Variants in AACS observed in about 807,000 individuals in gnomAD.
AACS encodes the protein acetoacetyl-CoA synthetase.
In AACS, 69 loss-of-function variants were observed where a neutral mutation model predicts 83.1. That is an observed-to-expected ratio of 0.83 (90% CI 0.68 to 1.01). The LOEUF is 1.01. AACS is among the 50% of genes least tolerant of loss of function. The pLI, the probability that AACS is intolerant of heterozygous loss-of-function variation, is 0.00. For synonymous variants in AACS, 333 were observed against 343.4 expected (o/e 0.97, Z 0.33); for missense variants, 866 against 882.2 (o/e 0.98, Z 0.23).
chr12:125,119,662 A>G (rs1006244388), intron 10 of AACS, among the ~76,000 whole-genome samples: 9 of 152,250 alleles, frequency 5.9e-5, no homozygotes, highest in African/African-American at 1.7e-4. Flanking sequence ...ACCTGCCTCC[A>G]TGATTCAATT....
Position 125,065,616 on chromosome 12 carries a change from A to G in AACS, c.32A>G (p.Glu11Gly), listed in dbSNP as rs372601240. The change falls in exon 1 of 18, where the codon GAG (glutamate) becomes GGG (glycine). Residue 11 changes from glutamate (E) to glycine (G), a missense_variant. Glu to Gly is a moderately conservative substitution (Grantham distance 98). Coordinates refer to ENST00000316519, the MANE Select transcript of AACS (RefSeq NM_023928.5). ...AAGGAGGAGCGCCCCGGTCGGGAGGAGATCCTGGAGTGCCAGGTGATGTGG... is the reference window on the plus strand; with the variant it reads ...AAGGAGGAGCGCCCCGGTCGGGAGGGGATCCTGGAGTGCCAGGTGATGTGG... MSKEERPGRE[E>G]ILECQVMWEP... 6.5e-7 allele frequency: 1 copy of G among 1,527,924 alleles called. No individual in the cohort carries two copies. The highest frequency in any genetic ancestry group is 8.8e-7 in the Non-Finnish European group (1 of 1,135,274). 94.6% of individuals were successfully genotyped at this position (1,527,924 alleles called of 1,614,324 possible). A position where few individuals can be genotyped will look rare whatever the true frequency, so the allele number is the denominator to read the frequency against.
intron 1 of AACS, 127 bp from the exon 2 acceptor site, chr12:125,073,749 C>A: frequency 1.4e-6 from 1 of 696,296 alleles, no homozygotes. Flanking sequence ...CTTCCTCCCC[C>A]AGACCATTTC....
intron 5 of AACS, among the ~76,000 whole-genome samples, 164 bp downstream of exon 5, chr12:125,091,687 C>T (rs990988223): frequency 1.4e-4 from 21 of 152,204 alleles, no homozygotes; most frequent in Non-Finnish European, 2.8e-4. Flanking sequence ...GAAGGACTTG[C>T]GTCTGGTTCT....
Position 125,136,726 on chromosome 12 carries a change from G to T in AACS, c.1743G>T (p.Glu581Asp). The change falls in exon 17 of 18, where the codon GAG becomes GAT. Residue 581 changes from glutamate to aspartate, a missense_variant. Physicochemically the swap from Glu to Asp is conservative, Grantham distance 45. Coordinates refer to ENST00000316519, the MANE Select transcript of AACS (RefSeq NM_023928.5). ...CVPQYNKYRE[E>D]RVILFLKMAS... ...CCCAGTATAACAAGTACAGGGAGGAGAGGGTGATCCTCTTCCTGAAGATGG... is the reference window on the plus strand; with the variant it reads ...CCCAGTATAACAAGTACAGGGAGGATAGGGTGATCCTCTTCCTGAAGATGG... 4.3e-6 allele frequency: 7 copies of T among 1,614,168 alleles called. No individual in the cohort carries two copies. Among genetic ancestry groups the T allele is most frequent in the Non-Finnish European group, 5.9e-6 (7 of 1,180,034 alleles).
At chr12:125,066,917 A>G (rs574201106) in intron 1 of AACS, among the ~76,000 whole-genome samples, 41 of 152,264 alleles carry the variant, frequency 2.7e-4, no homozygotes, top group African/African-American at 9.9e-4. Flanking sequence ...TGTCGCTCAC[A>G]TCTCCTCCTT....
rs1164973223 is a variant in AACS at position 125,133,950 on chromosome 12, C to T, written c.1550-53C>T. The T allele has an allele frequency of 1.9e-6, 3 of 1,596,550 alleles. No homozygotes were observed. The African/African-American group carries it at 4.0e-5, about 21-fold the overall frequency. On this transcript the variant is annotated intron_variant, in intron 14 of 17. Coordinates refer to ENST00000316519, the MANE Select transcript of AACS (RefSeq NM_023928.5). ...TACACCCAGCGTCTGTCCAGGCAGC[C>T]TGTCATGGCCCCTTCTCCTCGGGAT... is the stretch of plus-strand genomic sequence containing the variant.
chr12:125,114,661 G>A, intron 9 of AACS, 104 bp downstream of exon 9: 1 of 897,006 alleles, frequency 1.1e-6, no homozygotes, highest in African/African-American at 1.7e-5. Context: ...GCCGGCCCGT[G>A]GCACATGGTA....
chr12:125,072,752 G>C (rs558191439), intron 1 of AACS, among the ~76,000 whole-genome samples: 1 of 152,226 alleles, frequency 6.6e-6, no homozygotes, highest in Admixed American at 6.5e-5. Context: ...ATTTCCTTTA[G>C]GAGTTAAATA....
In AACS at chr12:125,103,987, C is replaced by CAAAAAAAAAAAAAAAAAAA. The variant is rs71092274; in HGVS notation, c.767+920_767+938dup. 1.9e-4 allele frequency among the ~76,000 whole-genome samples: 8 copies of CAAAAAAAAAAAAAAAAAAA among 41,226 alleles called. 1 individual carries two copies. Among genetic ancestry groups the CAAAAAAAAAAAAAAAAAAA allele is most frequent in the East Asian group, 7.8e-4 (1 of 1,286 alleles). 27.0% of individuals were successfully genotyped at this position (41,226 alleles called of 152,430 possible). ...TGGGCAAAAAAGCGAAACTCCGTCTCAAAAAAAAAAAAAAAAAAAAAAAAA... is the reference window on the plus strand; with the variant it reads ...TGGGCAAAAAAGCGAAACTCCGTCTCAAAAAAAAAAAAAAAAAAAAAAAAAAAAAAAAAAAAAAAAAAAA... On this transcript the variant is annotated intron_variant, in intron 7 of 17. Transcript: ENST00000316519.
chr12:125,088,327 G>GGCTCAA (rs1956387844), intron 4 of AACS, among the ~76,000 whole-genome samples: 2 of 151,594 alleles, frequency 1.3e-5, no homozygotes, highest in Non-Finnish European at 2.9e-5. Context: ...CGAACTCCTG[G>GGCTCAA]GCTCAAGGGA....
chr12:125,090,976 A>C (rs965384867), intron 4 of AACS: 1 of 190,424 alleles, frequency 5.3e-6, no homozygotes, highest in African/African-American at 2.3e-5. Flanking sequence ...GGTTGGGGGC[A>C]AGACAGCCTT....
intron 7 of AACS, 26 bp from the exon 8 acceptor site, chr12:125,107,095 G>T (rs540917287): frequency 1.5e-5 from 24 of 1,613,732 alleles, no homozygotes; most frequent in South Asian, 3.3e-5. Flanking sequence ...CGTTCATGGC[G>T]TGTTTCCCTG....
intron 3 of AACS, among the ~76,000 whole-genome samples, chr12:125,082,469 C>T (rs1035593885): frequency 6.9e-6 from 1 of 144,374 alleles, no homozygotes; most frequent in Non-Finnish European, 1.5e-5. Context: ...AGCTGTAACA[C>T]CTGGCTGGAA....
At chr12:125,124,862 C>G (rs1349255991) in intron 11 of AACS, 40 bp from the exon 12 acceptor site, 1 of 1,613,914 alleles carries the variant, frequency 6.2e-7, no homozygotes, top group Non-Finnish European at 8.5e-7. Flanking sequence ...GCTTCAGGCA[C>G]TGGGTTTAGT....
chr12:125,104,626 C>G (rs951838097), intron 7 of AACS, among the ~76,000 whole-genome samples: 4 of 152,092 alleles, frequency 2.6e-5, no homozygotes, highest in African/African-American at 9.7e-5. Context: ...GCTGTGTGTG[C>G]AGGGCATATT....
chr12:125,065,572 G>T lies in AACS; in HGVS notation c.-13G>T. The T allele has an allele frequency of 6.9e-7, 1 of 1,459,648 alleles. No individual in the cohort carries two copies. Among genetic ancestry groups the T allele is most frequent in the African/African-American group, 1.5e-5 (1 of 66,620 alleles). The allele number at this position is 1,459,648 out of a possible 1,614,324, so 90.4% of individuals were successfully genotyped here. On this transcript the variant is annotated 5_prime_UTR_variant, in exon 1 of 18. Coordinates refer to ENST00000316519, the MANE Select transcript of AACS (RefSeq NM_023928.5). ...CCCAGCCCTCGTCGCAGCCCCGGCC[G>T]CCCGCCGCCGCCATGTCCAAGGAGG...
intron 5 of AACS, among the ~76,000 whole-genome samples, chr12:125,095,547 C>A (rs1408245905): frequency 6.6e-6 from 1 of 152,174 alleles, no homozygotes; most frequent in Non-Finnish European, 1.5e-5. Context: ...TCTTCCCTGG[C>A]CTCAGGCTTC....
At chr12:125,081,568 G>A (rs535311472) in intron 3 of AACS, among the ~76,000 whole-genome samples, 2 of 152,240 alleles carry the variant, frequency 1.3e-5, no homozygotes, top group South Asian at 4.1e-4. Flanking sequence ...TCTCCTATGG[G>A]TAATCCCCGT....
intron 15 of AACS, 152 bp from the exon 16 acceptor site, chr12:125,134,642 G>T: frequency 1.3e-6 from 1 of 758,532 alleles, no homozygotes; most frequent in South Asian, 1.6e-5. Context: ...AAAGAGCCGG[G>T]TGGTAGGGCA....
Sources: gnomAD v4.1 joint callset for allele counts (sites outside exome capture counted in the v4.1 genomes callset) on GRCh38, gnomAD v4.1.1 for gene constraint, MANE v1.5 for transcripts, NCBI Gene and HGNC (gene_info 2026-07-23, HGNC 2026-07-21) for gene names.